LARP1B: variants seen among roughly 807,000 people sequenced by gnomAD.
LARP1B encodes the protein la-related protein 1B.
A neutral mutation model predicts 114.2 loss-of-function variants in LARP1B; 76 were observed. The ratio of observed to expected loss-of-function variants is 0.67; its 90% CI spans 0.55 to 0.81. LARP1B has a LOEUF of 0.81. Among genes scored for constraint, LARP1B ranks in the 30% least tolerant of loss-of-function variants. The pLI is 0.00. For synonymous variants in LARP1B, 345 were observed against 348.0 expected (o/e 0.99, Z 0.10); for missense variants, 1,014 against 1,075.8 (o/e 0.94, Z 0.80).
rs1755252437 is a variant in LARP1B, at chr4:128,199,468, C to T, written c.2033C>T (p.Ala678Val). Residue 678 changes from alanine (A) to valine (V), a missense_variant, in exon 16 of 20, where the codon GCA becomes GTA. Physicochemically the swap from Ala to Val is moderately conservative, Grantham distance 64. Transcript: ENST00000326639. ...TCAAATGCTTCACCTTCAGAAGGCG[C>T]ACCACTAGCAGGAAGTTATGGATGT... ...STSNASPSEG[A>V]PLAGSYGCTP... 3 of 1,566,428 alleles carry T rather than the reference C, an allele frequency of 1.9e-6. No homozygotes were observed. The highest frequency in any genetic ancestry group is 2.6e-6 in the Non-Finnish European group (3 of 1,154,594).
intron 11 of LARP1B, among the ~76,000 whole-genome samples, chr4:128,157,116 G>A (rs1200881765): frequency 1.3e-5 from 2 of 152,034 alleles, no homozygotes; most frequent in African/African-American, 4.8e-5. Flanking sequence ...GAGTTATCAA[G>A]CAGACTTTGT....
intron 9 of LARP1B, among the ~76,000 whole-genome samples, chr4:128,113,371 CAGAG>C (rs769383545): frequency 2.9e-5 from 4 of 135,636 alleles, no homozygotes; most frequent in Non-Finnish European, 6.2e-5. Context: ...TTTTTTGAGA[CAGAG>C]AGTTGCTCTG....
intron 12 of LARP1B, among the ~76,000 whole-genome samples, chr4:128,168,448 A>C (rs889535941): frequency 2.6e-5 from 4 of 151,996 alleles, no homozygotes; most frequent in Non-Finnish European, 5.9e-5. Flanking sequence ...CTGAGCTTTG[A>C]GAGTTCTTTA....
chr4:128,065,798 A>G (rs1246217798), intron 1 of LARP1B, among the ~76,000 whole-genome samples: 1 of 152,030 alleles, frequency 6.6e-6, no homozygotes, highest in East Asian at 1.9e-4. Flanking sequence ...ATATTATTTA[A>G]TTCATTTAAA....
At chr4:128,102,830 T>G (rs939680941) in intron 8 of LARP1B, among the ~76,000 whole-genome samples, 5 of 152,168 alleles carry the variant, frequency 3.3e-5, no homozygotes, top group Admixed American at 1.3e-4. Context: ...AGTATGAGGA[T>G]TTAGAGGAAT....
intron 7 of LARP1B, chr4:128,093,124 A>C: frequency 2.5e-6 from 2 of 795,156 alleles, no homozygotes; most frequent in Non-Finnish European, 3.0e-6. Context: ...AGCAGTAGGG[A>C]TTTTGGCAAA....
chr4:128,093,292 G>C (rs1776511137), intron 7 of LARP1B, among the ~76,000 whole-genome samples: 1 of 151,862 alleles, frequency 6.6e-6, no homozygotes, highest in African/African-American at 2.4e-5. Flanking sequence ...TTTTCTTTTT[G>C]AGAAGTCACT....
chr4:128,090,970 A>C, intron 5 of LARP1B, 31 bp from the exon 6 acceptor site: 1 of 1,479,058 alleles, frequency 6.8e-7, no homozygotes, highest in Non-Finnish European at 9.3e-7. Context: ...TGGCAAATCG[A>C]AGTATATAAA....
intron 11 of LARP1B, 54 bp from the exon 12 acceptor site, chr4:128,162,140 T>C (rs1738800701): frequency 1.3e-6 from 2 of 1,562,898 alleles, no homozygotes; most frequent in Non-Finnish European, 1.7e-6. Context: ...AATTATTGTC[T>C]GTTGGTTACT....
intron 11 of LARP1B, among the ~76,000 whole-genome samples, chr4:128,128,660 T>C (rs1214897123): frequency 6.6e-6 from 1 of 152,204 alleles, no homozygotes; most frequent in Non-Finnish European, 1.5e-5. Flanking sequence ...TGGGAGAATT[T>C]AAAAATTTGA....
chr4:128,142,495 G>A (rs1303110472), intron 11 of LARP1B, among the ~76,000 whole-genome samples: 5 of 151,186 alleles, frequency 3.3e-5, no homozygotes, highest in African/African-American at 7.3e-5. Flanking sequence ...GTCCTCTTAT[G>A]TTGTATATTT....
Position 128,091,309 on chromosome 4 carries a change from A to G in LARP1B, c.503-38A>G, listed in dbSNP as rs768939387. On this transcript the variant is annotated intron_variant, in intron 6 of 19. Transcript: ENST00000326639. Reference sequence around the variant, plus strand: ...TATCCGTAGTAACTATTTTTTTCTAATATGTGATTACCTTTCTTTTTCTTT... The same window carrying G: ...TATCCGTAGTAACTATTTTTTTCTAGTATGTGATTACCTTTCTTTTTCTTT... 3.8e-6 allele frequency: 6 copies of G among 1,561,174 alleles called. No homozygotes were observed. The South Asian group carries it at 7.1e-5, about 18-fold the overall frequency.
rs199707342 is a variant in LARP1B at position 128,065,253 on chromosome 4, ATTTCTTTCTTTCTTTCTTTCTTTC to A, written c.-78+3894_-78+3917del. 7.0e-4 allele frequency among the ~76,000 whole-genome samples: 63 copies of A among 89,596 alleles called. No homozygotes were observed. The East Asian group carries it at 0.011, about 16-fold the overall frequency. 58.8% of individuals were successfully genotyped at this position (89,596 alleles called of 152,430 possible). On this transcript the variant is annotated intron_variant, in intron 1 of 19. Coordinates refer to ENST00000326639, the MANE Select transcript of LARP1B (RefSeq NM_018078.4). ...ACTCTGCACTGTTCTCCCACAATTA[ATTTCTTTCTTTCTTTCTTTCTTTC>A]TTTCTTTCTTTCTTTCTTTCTTTCT... is the stretch of plus-strand genomic sequence containing the variant.
chr4:128,153,838 T>C (rs1210707060), intron 11 of LARP1B, among the ~76,000 whole-genome samples: 1 of 152,234 alleles, frequency 6.6e-6, no homozygotes, highest in African/African-American at 2.4e-5. Context: ...TTTTATATTC[T>C]GTCTCTCATT....
At chr4:128,181,303 G>A (rs1748297851) in intron 15 of LARP1B, among the ~76,000 whole-genome samples, 1 of 151,300 alleles carries the variant, frequency 6.6e-6, no homozygotes, top group Non-Finnish European at 1.5e-5. Flanking sequence ...TCAACCTCCT[G>A]AGTAGCTGGG....
At chr4:128,099,609 A>G (rs1779548618) in intron 8 of LARP1B, among the ~76,000 whole-genome samples, 1 of 152,116 alleles carries the variant, frequency 6.6e-6, no homozygotes, top group South Asian at 2.1e-4. Flanking sequence ...ATTCCATGGT[A>G]TGGATATACC....
intron 1 of LARP1B, among the ~76,000 whole-genome samples, chr4:128,064,439 G>A (rs1300628030): frequency 6.6e-6 from 1 of 152,110 alleles, no homozygotes; most frequent in Non-Finnish European, 1.5e-5. Flanking sequence ...TTTGACACTT[G>A]CAGAAAAAAA....
intron 5 of LARP1B, among the ~76,000 whole-genome samples, chr4:128,083,598 C>T (rs541631757): frequency 5.6e-4 from 82 of 145,334 alleles, no homozygotes; most frequent in Non-Finnish European, 6.4e-4. Flanking sequence ...CCCTCCCAGA[C>T]GGGGCGGCTG....
At chr4:128,101,887 G>A (rs1780466767) in intron 8 of LARP1B, among the ~76,000 whole-genome samples, 1 of 152,128 alleles carries the variant, frequency 6.6e-6, no homozygotes, top group African/African-American at 2.4e-5. Context: ...GTCTACTTCT[G>A]TACGAATGTA....
Sources: gnomAD v4.1 joint callset for allele counts (sites outside exome capture counted in the v4.1 genomes callset) on GRCh38, gnomAD v4.1.1 for gene constraint, MANE v1.5 for transcripts, NCBI Gene and HGNC (gene_info 2026-07-23, HGNC 2026-07-21) for gene names.